Variants in UVSSA observed in about 807,000 individuals in gnomAD.
The protein encoded by UVSSA is UV-stimulated scaffold protein A.
A neutral mutation model predicts 73.9 loss-of-function variants in UVSSA; 72 were observed. That is an observed-to-expected ratio of 0.97 (90% CI 0.81 to 1.19). UVSSA has a LOEUF of 1.19. Ranked by LOEUF, UVSSA falls within the 50% of genes most tolerant of loss-of-function variation. The pLI, the probability that UVSSA is intolerant of heterozygous loss-of-function variation, is 0.00. For synonymous variants in UVSSA, 454 were observed against 391.3 expected, an observed-to-expected ratio of 1.16 and a Z score of -1.89; for missense variants, 1,150 against 965.0, an observed-to-expected ratio of 1.19 and a Z score of -2.54.
chr4:1,385,703 C>T, intron 13 of UVSSA, 165 bp from the exon 14 acceptor site: 1 of 677,256 alleles, frequency 1.5e-6, no homozygotes, highest in Non-Finnish European at 2.6e-6. Context: ...GGCCAAGGGG[C>T]CCGTCGCCCA....
chr4:1,380,297 T>A (rs554686795), intron 11 of UVSSA, 67 bp downstream of exon 11: 2 of 1,536,216 alleles, frequency 1.3e-6, no homozygotes, highest in Non-Finnish European at 1.8e-6. Context: ...AGAGGGGTGC[T>A]GAGCCCCACC....
intron 8 of UVSSA, among the ~76,000 whole-genome samples, chr4:1,372,833 G>T (rs62284731): frequency 0.012 from 321 of 26,256 alleles, 44 homozygotes; most frequent in African/African-American, 0.029. Context: ...CACCTCCCGC[G>T]TCTCAGGGCA....
intron 8 of UVSSA, among the ~76,000 whole-genome samples, chr4:1,368,745 G>A (rs891257484): frequency 4.6e-5 from 7 of 152,376 alleles, no homozygotes; most frequent in South Asian, 4.1e-4. Flanking sequence ...GGTTGTGAAG[G>A]CACCTCCAGA....
At chr4:1,382,377 C>A (rs367814249) in intron 12 of UVSSA, among the ~76,000 whole-genome samples, 1 of 152,234 alleles carries the variant, frequency 6.6e-6, no homozygotes, top group East Asian at 1.9e-4. Flanking sequence ...TTACTAACTA[C>A]GGTATTGATC....
intron 8 of UVSSA, among the ~76,000 whole-genome samples, chr4:1,373,764 A>G (rs4974613): frequency 0.78 from 118,939 of 152,096 alleles, 47,369 homozygotes; most frequent in African/African-American, 0.94. Flanking sequence ...CACACCCCTC[A>G]GAGCTCTTAA....
At chr4:1,355,505 G>A (rs1190624624) in intron 7 of UVSSA, among the ~76,000 whole-genome samples, 2 of 152,220 alleles carry the variant, frequency 1.3e-5, no homozygotes, top group East Asian at 1.9e-4. Flanking sequence ...GCTGAGTGCT[G>A]TGCGCGCCTC....
intron 7 of UVSSA, among the ~76,000 whole-genome samples, chr4:1,364,656 A>G (rs1409481740): frequency 6.6e-6 from 1 of 152,126 alleles, no homozygotes; most frequent in Non-Finnish European, 1.5e-5. Context: ...TCCAACAGGG[A>G]TCTCTCTCCC....
chr4:1,342,453 A>G (rs1258086405), upstream of UVSSA, among the ~76,000 whole-genome samples: 2 of 152,112 alleles, frequency 1.3e-5, no homozygotes, highest in African/African-American at 4.8e-5. Context: ...CCTTTGAGGG[A>G]TATGTGTATT....
upstream of UVSSA, among the ~76,000 whole-genome samples, chr4:1,344,896 G>T (rs769971193): frequency 2.6e-5 from 4 of 152,182 alleles, no homozygotes; most frequent in Non-Finnish European, 4.4e-5. Flanking sequence ...GGAACTCTGT[G>T]GATACTGGCA....
intron 7 of UVSSA, among the ~76,000 whole-genome samples, chr4:1,364,353 G>C (rs4974556): frequency 0.71 from 76,353 of 106,818 alleles, 29,117 homozygotes; most frequent in African/African-American, 0.91. Context: ...GTGCTGGTGC[G>C]CGGGCCCCGT....
At chr4:1,380,385 G>A (rs1719334688) in intron 11 of UVSSA, among the ~76,000 whole-genome samples, 155 bp downstream of exon 11, 1 of 152,232 alleles carries the variant, frequency 6.6e-6, no homozygotes, top group Non-Finnish European at 1.5e-5. Flanking sequence ...GGCAGAAATT[G>A]CTTAGCCGTT....
At chr4:1,380,811 T>C in intron 11 of UVSSA, 69 bp from the exon 12 acceptor site, 3 of 1,593,196 alleles carry the variant, frequency 1.9e-6, no homozygotes, top group Non-Finnish European at 2.6e-6. Context: ...CAAGTCGTGG[T>C]GGTGGGGGGA....
chr4:1,363,687 C>T (rs1017781829), intron 7 of UVSSA, among the ~76,000 whole-genome samples: 3 of 152,168 alleles, frequency 2.0e-5, no homozygotes, highest in Admixed American at 1.3e-4. Flanking sequence ...TTTTCAGGTC[C>T]GTGGCTTGTT....
chr4:1,349,168 C>T (rs1363694402), intron 2 of UVSSA, among the ~76,000 whole-genome samples: 1 of 147,402 alleles, frequency 6.8e-6, no homozygotes, highest in Non-Finnish European at 1.5e-5. Flanking sequence ...TGTAATGCCT[C>T]AGTTGTGAAC....
intron 2 of UVSSA, 39 bp from the exon 3 acceptor site, chr4:1,349,485 C>T (rs369352505): frequency 1.9e-4 from 298 of 1,584,224 alleles, no homozygotes; most frequent in Non-Finnish European, 2.5e-4. Context: ...CCATCCTCTG[C>T]GTGTGGGGCA....
At chr4:1,392,753 T>G (rs1035481354), downstream of UVSSA, 2 of 152,240 alleles carry the variant, frequency 1.3e-5, no homozygotes, top group Non-Finnish European at 2.9e-5. Flanking sequence ...GATATAGAGG[T>G]TAATATTTCT....
At chr4:1,370,412 G>A (rs1240573602) in intron 8 of UVSSA, among the ~76,000 whole-genome samples, 1 of 152,234 alleles carries the variant, frequency 6.6e-6, no homozygotes, top group East Asian at 1.9e-4. Context: ...GTGTCTCCCG[G>A]GTGCGCGCCT....
intron 8 of UVSSA, among the ~76,000 whole-genome samples, chr4:1,371,062 A>G (rs1429492217): frequency 6.6e-6 from 1 of 152,044 alleles, no homozygotes; most frequent in African/African-American, 2.4e-5. Flanking sequence ...GGCTCTGCAC[A>G]TTGGTAAGTG....
At chr4:1,344,799 C>T (rs1009466464), upstream of UVSSA, among the ~76,000 whole-genome samples, 3 of 152,094 alleles carry the variant, frequency 2.0e-5, no homozygotes, top group African/African-American at 7.2e-5. Flanking sequence ...GTTTAGAAAA[C>T]GGATGGGGGG....
Sources: allele counts gnomAD v4.1 joint callset (sites outside exome capture counted in the v4.1 genomes callset), GRCh38; gene constraint gnomAD v4.1.1; transcripts MANE v1.5; gene names NCBI Gene and HGNC (gene_info 2026-07-23, HGNC 2026-07-21).